Variants in PCDHA4 observed in about 807,000 individuals in gnomAD.
PCDHA4 encodes the protein protocadherin alpha-4.
A neutral mutation model predicts 61.4 loss-of-function variants in PCDHA4; 49 were observed. The ratio of observed to expected loss-of-function variants is 0.80; its 90% confidence interval spans 0.63 to 1.01. PCDHA4 has a LOEUF of 1.01. Among genes scored for constraint, PCDHA4 ranks in the 50% least tolerant of loss-of-function variants. PCDHA4 has a pLI of 0.00. For missense variants in PCDHA4, 1,254 were observed against 1,235.8 expected (o/e 1.01, Z -0.22); for synonymous variants, 590 against 550.3 (o/e 1.07, Z -1.01).
In PCDHA4 at chr5:140,850,012, G is replaced by A. The variant is rs1415063137; in HGVS notation, c.2385+40440G>A. On this transcript the variant is annotated intron_variant, in intron 1 of 3. Transcript: ENST00000530339. ...CGGTTGGGCGAGCGCTCGCTGTCGAGCTACGTGTCAGTGCACGCGGAGAGC... is the reference window on the plus strand; with the variant it reads ...CGGTTGGGCGAGCGCTCGCTGTCGAACTACGTGTCAGTGCACGCGGAGAGC... 5 of 1,596,912 alleles carry A rather than the reference G, an allele frequency of 3.1e-6. 1 individual carries two copies. In the African/African-American group the frequency reaches 5.4e-5, roughly 17 times the overall value.
chr5:140,893,150 A>G (rs1398784015), intron 1 of PCDHA4, among the ~76,000 whole-genome samples: 1 of 152,066 alleles, frequency 6.6e-6, no homozygotes, highest in Non-Finnish European at 1.5e-5. Context: ...TCATCTGTTG[A>G]TGGATATTGA....
intron 1 of PCDHA4, among the ~76,000 whole-genome samples, chr5:140,844,021 G>A (rs2150368279): frequency 1.3e-5 from 2 of 149,470 alleles, no homozygotes; most frequent in East Asian, 1.9e-4. Flanking sequence ...GACGTTCAGG[G>A]CATTTTGATC....
At chr5:140,914,615 A>G (rs573524299) in intron 1 of PCDHA4, among the ~76,000 whole-genome samples, 12 of 151,836 alleles carry the variant, frequency 7.9e-5, no homozygotes, top group African/African-American at 2.9e-4. Context: ...GCCATTTTGT[A>G]ATTTGTTTTC....
chr5:140,946,374 C>T (rs1371899868), intron 1 of PCDHA4, among the ~76,000 whole-genome samples: 5 of 151,656 alleles, frequency 3.3e-5, no homozygotes, highest in African/African-American at 9.7e-5. Flanking sequence ...CTCTTGCACA[C>T]GGTTGGTAGG....
intron 1 of PCDHA4, among the ~76,000 whole-genome samples, chr5:140,840,756 A>T (rs1776857330): frequency 2.6e-5 from 4 of 152,114 alleles, no homozygotes; most frequent in Non-Finnish European, 5.9e-5. Context: ...GAACACAAGA[A>T]GATAAAATGT....
intron 1 of PCDHA4, chr5:140,877,884 C>T: frequency 6.8e-7 from 1 of 1,465,050 alleles, no homozygotes; most frequent in Non-Finnish European, 9.0e-7. Context: ...CCTTGAAGAA[C>T]TTCCGTTTAG....
At chr5:140,862,498 TG>T in intron 1 of PCDHA4, 1 of 395,232 alleles carries the variant, frequency 2.5e-6, no homozygotes, top group Non-Finnish European at 5.1e-6. Flanking sequence ...TCGCTCGGAA[TG>T]GGGACTCGCT....
At chr5:140,876,172 G>C in intron 1 of PCDHA4, 1 of 1,613,970 alleles carries the variant, frequency 6.2e-7, no homozygotes, top group East Asian at 2.2e-5. Flanking sequence ...AACCGTCCTG[G>C]ATGTGAATGA....
intron 1 of PCDHA4, chr5:140,849,231 C>T (rs2040825064): frequency 9.5e-7 from 1 of 1,049,088 alleles, no homozygotes; most frequent in Admixed American, 2.7e-5. Context: ...CGACAGAACC[C>T]TGTATACGGT....
intron 1 of PCDHA4, chr5:140,842,909 C>T: frequency 6.3e-7 from 1 of 1,594,530 alleles, no homozygotes; most frequent in Non-Finnish European, 8.6e-7. Flanking sequence ...GGAGCTAGAG[C>T]TGCTGCAGTT....
intron 1 of PCDHA4, chr5:140,843,145 G>A (rs2150353812): frequency 1.3e-6 from 2 of 1,596,072 alleles, no homozygotes; most frequent in South Asian, 1.1e-5. Flanking sequence ...CGTGGCTTTC[G>A]TATGAGCTGC....
At chr5:140,882,481 C>A in intron 1 of PCDHA4, 1 of 1,614,038 alleles carries the variant, frequency 6.2e-7, no homozygotes, top group Non-Finnish European at 8.5e-7. Flanking sequence ...CCAAAAGACA[C>A]GGGGACCTTC....
chr5:140,835,858 A>G (rs1773990824), intron 1 of PCDHA4: 1 of 1,612,030 alleles, frequency 6.2e-7, no homozygotes, highest in South Asian at 1.1e-5. Context: ...CTGGTGTCCT[A>G]CTCGCTGGTG....
Position 140,982,515 on chromosome 5 carries a change from C to A in PCDHA4, c.2485C>A (p.Pro829Thr), listed in dbSNP as rs1278779763. ...LEEAGILRAG[P>T]GGPDQQWPTV... ...GGAGGCTGGCATTCTACGGGCTGGT[C>A]CAGGAGGGCCTGATCAGCAGTGGCC... Residue 829 changes from proline (P) to threonine (T), a missense_variant, in exon 3 of 4, where the codon CCA becomes ACA. Pro to Thr is a conservative substitution (Grantham distance 38, BLOSUM62 -1). Transcript: ENST00000530339. 3 of 1,614,058 alleles carry A rather than the reference C, an allele frequency of 1.9e-6. No individual in the cohort carries two copies. Among genetic ancestry groups the A allele is most frequent in the Middle Eastern group, 1.6e-4 (1 of 6,080 alleles).
chr5:140,828,863 G>T, intron 1 of PCDHA4: 1 of 1,614,202 alleles, frequency 6.2e-7, no homozygotes, highest in Non-Finnish European at 8.5e-7. Flanking sequence ...TGCAGACAAC[G>T]GAACAACAGT....
At chr5:140,864,869 A>G (rs2048638117) in intron 1 of PCDHA4, 1 of 152,160 alleles carries the variant, frequency 6.6e-6, no homozygotes, top group South Asian at 2.1e-4. Context: ...GGGTGATACC[A>G]TTGTCTGTGT....
At chr5:140,948,866 G>A (rs552659179) in intron 1 of PCDHA4, among the ~76,000 whole-genome samples, 32 of 151,022 alleles carry the variant, frequency 2.1e-4, no homozygotes, top group Non-Finnish European at 2.5e-4. Context: ...ATATTACTTC[G>A]GGTTTACTTT....
intron 1 of PCDHA4, among the ~76,000 whole-genome samples, chr5:140,926,146 G>T (rs553563976): frequency 6.6e-5 from 10 of 152,056 alleles, no homozygotes; most frequent in Non-Finnish European, 1.3e-4. Context: ...GATCCAGCGC[G>T]GAAAGCTCTG....
intron 1 of PCDHA4, chr5:140,870,813 C>T (rs568167153): frequency 1.2e-6 from 2 of 1,613,702 alleles, no homozygotes; most frequent in South Asian, 1.1e-5. Flanking sequence ...CTCAGGCTGG[C>T]AGCGCGGGAG....
Sources: gnomAD v4.1 joint callset for allele counts (sites outside exome capture counted in the v4.1 genomes callset) on GRCh38, gnomAD v4.1.1 for gene constraint, MANE v1.5 for transcripts, NCBI Gene and HGNC (gene_info 2026-07-23, HGNC 2026-07-21) for gene names.